The following TMEM170A variants were observed in gnomAD, a reference collection of about 807,000 sequenced individuals.
The protein encoded by TMEM170A is transmembrane protein 170.
A neutral mutation model predicts 12.8 loss-of-function variants in TMEM170A; 18 were observed. The observed-to-expected ratio is 1.41, with a 90% CI of 0.97 to 2.09. TMEM170A has a LOEUF of 2.09. Ranked by LOEUF, TMEM170A falls within the 30% of genes most tolerant of loss-of-function variation. TMEM170A has a pLI of 0.00. For missense variants in TMEM170A, 220 were observed against 179.9 expected (o/e 1.22, Z -1.28); for synonymous variants, 107 against 76.2 (o/e 1.40, Z -2.11).
intron 1 of TMEM170A, among the ~76,000 whole-genome samples, chr16:75,457,006 G>A (rs2079810912): frequency 6.6e-6 from 1 of 152,216 alleles, no homozygotes; most frequent in African/African-American, 2.4e-5. Flanking sequence ...AAAATTCTAT[G>A]ATGGCATCAG....
chr16:75,463,642 C>T (rs1046536605), intron 1 of TMEM170A, among the ~76,000 whole-genome samples: 16 of 152,242 alleles, frequency 1.1e-4, no homozygotes, highest in African/African-American at 3.1e-4. Context: ...ACCTCCCCTT[C>T]CAGGGCCACG....
In TMEM170A at chr16:75,446,696, GTATCT is replaced by G. The variant is rs1567695703; in HGVS notation, c.*857_*861del. On this transcript the variant is annotated 3_prime_UTR_variant, in exon 3 of 3. Transcript: ENST00000561878. ...GAAAAACTATGACAGAATGCCTAAA[GTATCT>G]TATGTGTGCCTCAATGTCCAAACAA... is the stretch of plus-strand genomic sequence containing the variant. The G allele has an allele frequency of 1.6e-4, 24 of 152,178 alleles. No homozygotes were observed. 9.4% of individuals were successfully genotyped at this position (152,178 alleles called of 1,614,324 possible). A position where few individuals can be genotyped will look rare whatever the true frequency, so the allele number is the denominator to read the frequency against.
At chr16:75,462,760 T>C (rs40446) in intron 1 of TMEM170A, among the ~76,000 whole-genome samples, 62,312 of 151,968 alleles carry the variant, frequency 0.41, 13,496 homozygotes, top group African/African-American at 0.55. Context: ...GTGTGAACCT[T>C]AGATCATGGA....
intron 1 of TMEM170A, chr16:75,452,535 T>G (rs1257794256): frequency 6.6e-6 from 1 of 151,990 alleles, no homozygotes; most frequent in African/African-American, 2.4e-5. Flanking sequence ...GGTCTCAAAC[T>G]CCCAACCTCA....
rs181006832 is a variant in TMEM170A, at chr16:75,451,163, T to G, written c.304+506A>C. Among the ~76,000 whole-genome samples the G allele has an allele frequency of 1.1e-4, 17 of 152,116 alleles. No individual in the cohort carries two copies. The East Asian group carries it at 3.3e-3, about 29-fold the overall frequency. ...ATATCTCACAAAGTTTAACATGACT[T>G]CCCTGAAGCCACTGAGATGAAATCT... On this transcript the variant is annotated intron_variant, in intron 2 of 2. Coordinates refer to ENST00000561878, the MANE Select transcript of TMEM170A (RefSeq NM_145254.3).
chr16:75,455,522 G>A (rs2079776846), intron 1 of TMEM170A, among the ~76,000 whole-genome samples: 1 of 152,172 alleles, frequency 6.6e-6, no homozygotes, highest in Non-Finnish European at 1.5e-5. Context: ...TACTGAGCAT[G>A]TTTATTTAAT....
In TMEM170A at chr16:75,447,287, G is replaced by A. The variant is rs1540; in HGVS notation, c.*271C>T. 2,688 of 239,836 alleles carry A rather than the reference G, an allele frequency of 0.011. 79 individuals carry two copies. Among genetic ancestry groups the A allele is most frequent in the African/African-American group, 0.055 (2,452 of 44,610 alleles). The allele number at this position is 239,836 out of a possible 1,614,324, so 14.9% of individuals were successfully genotyped here. On this transcript the variant is annotated 3_prime_UTR_variant, in exon 3 of 3. Coordinates refer to ENST00000561878, the MANE Select transcript of TMEM170A (RefSeq NM_145254.3). Reference sequence around the variant, plus strand: ...CCAGAGACACTGTTGACTTGGCTTGGGTAAAGGTACACATGAAAACTGCTT... The same window carrying A: ...CCAGAGACACTGTTGACTTGGCTTGAGTAAAGGTACACATGAAAACTGCTT...
intron 1 of TMEM170A, among the ~76,000 whole-genome samples, chr16:75,455,748 T>C (rs1429434067): frequency 6.6e-6 from 1 of 152,130 alleles, no homozygotes; most frequent in Non-Finnish European, 1.5e-5. Flanking sequence ...GAGGTCGCAA[T>C]GAGCCGAGGG....
chr16:75,464,642 G>C lies in TMEM170A; in HGVS notation c.-42C>G. The C allele has an allele frequency of 1.3e-6, 2 of 1,551,492 alleles. No individual in the cohort carries two copies. On this transcript the variant is annotated 5_prime_UTR_variant, in exon 1 of 3. Transcript: ENST00000561878. ...ACAGAGAAATGAGGGACGAGCGCCC[G>C]AAGTGCGGTAGCGGCCGGCGCCGAC...
intron 1 of TMEM170A, among the ~76,000 whole-genome samples, chr16:75,462,728 G>A (rs942806518): frequency 6.6e-6 from 1 of 152,072 alleles, no homozygotes; most frequent in African/African-American, 2.4e-5. Flanking sequence ...TGAAACTAAA[G>A]AGACGGACAA....
intron 1 of TMEM170A, chr16:75,458,943 G>A (rs1477633225): frequency 1.3e-5 from 2 of 152,076 alleles, no homozygotes; most frequent in African/African-American, 2.4e-5. Flanking sequence ...GCCCAGGCTG[G>A]AGTGCAGCGG....
chr16:75,452,297 C>CT (rs2079703624), intron 1 of TMEM170A, among the ~76,000 whole-genome samples: 1 of 151,934 alleles, frequency 6.6e-6, no homozygotes, highest in Non-Finnish European at 1.5e-5. Flanking sequence ...AAGACGGGGT[C>CT]TCACTCCGTC....
rs1335304684 is a variant in TMEM170A at position 75,446,797 on chromosome 16, TAA to T, written c.*759_*760del. On this transcript the variant is annotated 3_prime_UTR_variant, in exon 3 of 3. Transcript: ENST00000561878. ...TGTTTCCAATTAAATGAAATAAAAT[TAA>T]GAGAATTAAAAGTGATAGGGAAAGG... 6.6e-6 allele frequency: 1 copy of T among 152,114 alleles called. No individual in the cohort carries two copies. The highest frequency in any genetic ancestry group is 2.4e-5 in the African/African-American group (1 of 41,432). The allele number at this position is 152,114 out of a possible 1,614,324, so 9.4% of individuals were successfully genotyped here. A position where few individuals can be genotyped will look rare whatever the true frequency, so the allele number is the denominator to read the frequency against.
At chr16:75,460,711 G>A (rs2079888151) in intron 1 of TMEM170A, among the ~76,000 whole-genome samples, 1 of 152,170 alleles carries the variant, frequency 6.6e-6, no homozygotes, top group Non-Finnish European at 1.5e-5. Context: ...AGTTCCACGT[G>A]GGAAGGGGCT....
Position 75,444,592 on chromosome 16 carries a change from AC to A in TMEM170A, c.*2965del, listed in dbSNP as rs2079553172. On this transcript the variant is annotated 3_prime_UTR_variant, in exon 3 of 3. Coordinates refer to ENST00000561878, the MANE Select transcript of TMEM170A (RefSeq NM_145254.3). ...CCAATATTCTTCCATCTGAGTGACC[AC>A]CCCCAAATAATTCTATATTTGAGAC... 1 of 152,096 alleles carries A rather than the reference AC, an allele frequency of 6.6e-6. No individual in the cohort carries two copies. The highest frequency in any genetic ancestry group is 6.6e-5 in the Admixed American group (1 of 15,256). 9.4% of individuals were successfully genotyped at this position (152,096 alleles called of 1,614,324 possible).
Position 75,451,606 on chromosome 16 carries a change from T to C in TMEM170A, c.304+63A>G, listed in dbSNP as rs772769889. The C allele has an allele frequency of 5.2e-6, 8 of 1,543,022 alleles. No homozygotes were observed. In the African/African-American group the frequency reaches 6.8e-5, roughly 13 times the overall value. On this transcript the variant is annotated intron_variant, in intron 2 of 2. Transcript: ENST00000561878. ...TCCTACTCAGATATGTTTTCTAGAA[T>C]AGGTCCTGAAATTGACTAGTCATAT...
At chr16:75,464,339 C>T (rs1236232336) in intron 1 of TMEM170A, 129 bp downstream of exon 1, 5 of 1,378,262 alleles carry the variant, frequency 3.6e-6, no homozygotes, top group African/African-American at 3.1e-5. Flanking sequence ...GCACGGCCCC[C>T]CTCCCGGAGG....
chr16:75,445,194 G>C lies in TMEM170A; in HGVS notation c.*2364C>G, dbSNP rs1176716781. 3 of 152,236 alleles carry C rather than the reference G, an allele frequency of 2.0e-5. No homozygotes were observed. The highest frequency in any genetic ancestry group is 4.4e-5 in the Non-Finnish European group (3 of 68,026). The allele number at this position is 152,236 out of a possible 1,614,324, so 9.4% of individuals were successfully genotyped here. On this transcript the variant is annotated 3_prime_UTR_variant, in exon 3 of 3. Transcript: ENST00000561878. ...TAGAATTTTTACAATTTGCCTGTGA[G>C]AAAGATTTGAGCTTCTTGTTAGGGA...
intron 2 of TMEM170A, among the ~76,000 whole-genome samples, chr16:75,450,123 T>C (rs2079656144): frequency 6.8e-6 from 1 of 146,174 alleles, no homozygotes; most frequent in Admixed American, 7.1e-5. Flanking sequence ...GCAGAGGGTC[T>C]CCAAAGCAGC....
Sources: allele counts gnomAD v4.1 joint callset (sites outside exome capture counted in the v4.1 genomes callset), GRCh38; gene constraint gnomAD v4.1.1; transcripts MANE v1.5; gene names NCBI Gene and HGNC (gene_info 2026-07-23, HGNC 2026-07-21).